RAB14: variants seen among roughly 807,000 people sequenced by gnomAD.
RAB14 encodes the protein ras-related protein Rab-14.
In RAB14, 3 loss-of-function variants were observed where a neutral mutation model predicts 31.1. The observed-to-expected ratio is 0.10, with a 90% CI of 0.04 to 0.25. The LOEUF (loss-of-function observed/expected upper bound fraction) is 0.25, where lower values mean the gene tolerates loss of function less well. RAB14 is among the 10% of genes least tolerant of loss of function. The probability of loss-of-function intolerance (pLI) is 1.00; values close to 1 mark genes in which losing one functional copy is unlikely to be tolerated. For synonymous variants in RAB14, 85 were observed against 84.9 expected (o/e 1.00, Z 0.00); for missense variants, 111 against 260.1 (o/e 0.43, Z 3.94).
At chr9:121,190,253 T>C (rs1486862936) in intron 4 of RAB14, among the ~76,000 whole-genome samples, 1 of 152,110 alleles carries the variant, frequency 6.6e-6, no homozygotes, top group Non-Finnish European at 1.5e-5. Context: ...TAAAAGAACA[T>C]TTTATATAAA....
At chr9:121,183,055 T>C in intron 6 of RAB14, 95 bp from the exon 7 acceptor site, 4 of 1,164,482 alleles carry the variant, frequency 3.4e-6, no homozygotes, top group Non-Finnish European at 5.0e-6. Context: ...CATCAGTTTT[T>C]AGTACTCCTC....
chr9:121,193,482 G>T, intron 1 of RAB14, 63 bp from the exon 2 acceptor site: 2 of 1,059,044 alleles, frequency 1.9e-6, no homozygotes, highest in South Asian at 2.9e-5. Flanking sequence ...TCAAACGGAT[G>T]ACTGATATCC....
chr9:121,180,242 TCTGA>T lies in RAB14; in HGVS notation c.*1150_*1153del, dbSNP rs1376489353. ...AATCCCTTAACAGCAGACCTGTGGT[TCTGA>T]CTGTCCAGTTCAGAATCTGACCATT... On this transcript the variant is annotated 3_prime_UTR_variant, in exon 8 of 8. Coordinates refer to ENST00000373840, the MANE Select transcript of RAB14 (RefSeq NM_016322.4). 6.6e-6 allele frequency: 1 copy of T among 152,660 alleles called. No individual in the cohort carries two copies. The highest frequency in any genetic ancestry group is 2.4e-5 in the African/African-American group (1 of 41,456). 9.5% of individuals were successfully genotyped at this position (152,660 alleles called of 1,614,324 possible). A position where few individuals can be genotyped will look rare whatever the true frequency, so the allele number is the denominator to read the frequency against.
intron 4 of RAB14, among the ~76,000 whole-genome samples, chr9:121,187,235 A>G (rs1043351457): frequency 2.0e-5 from 3 of 152,114 alleles, no homozygotes; most frequent in African/African-American, 7.2e-5. Flanking sequence ...AACAACTTTG[A>G]TAATTACAGG....
chr9:121,191,978 T>C (rs889549110), intron 3 of RAB14, among the ~76,000 whole-genome samples, 193 bp downstream of exon 3: 2 of 152,118 alleles, frequency 1.3e-5, no homozygotes, highest in African/African-American at 4.8e-5. Flanking sequence ...AATCAGATTA[T>C]ATAATGTGTA....
At chr9:121,189,938 T>C (rs1359252218) in intron 4 of RAB14, among the ~76,000 whole-genome samples, 1 of 152,136 alleles carries the variant, frequency 6.6e-6, no homozygotes, top group African/African-American at 2.4e-5. Flanking sequence ...TTCTCCAAAG[T>C]CAAACCTTTA....
At chr9:121,186,300 C>T (rs2053658749) in intron 5 of RAB14, among the ~76,000 whole-genome samples, 1 of 152,154 alleles carries the variant, frequency 6.6e-6, no homozygotes, top group Middle Eastern at 3.2e-3. Context: ...CTAATTCGTG[C>T]TTCAATCTAC....
chr9:121,200,578 T>C (rs753293296), intron 1 of RAB14, among the ~76,000 whole-genome samples: 1 of 152,226 alleles, frequency 6.6e-6, no homozygotes, highest in Non-Finnish European at 1.5e-5. Flanking sequence ...GTTGACTTTA[T>C]GGACTTTAGG....
chr9:121,191,497 C>T (rs1048365953), intron 3 of RAB14, among the ~76,000 whole-genome samples: 5 of 152,120 alleles, frequency 3.3e-5, no homozygotes, highest in African/African-American at 9.7e-5. Context: ...TGAGCCACCA[C>T]ACCTGGCTAA....
intron 1 of RAB14, among the ~76,000 whole-genome samples, chr9:121,201,031 A>G (rs1295922198): frequency 6.6e-6 from 1 of 152,058 alleles, no homozygotes; most frequent in African/African-American, 2.4e-5. Flanking sequence ...AAACCAGGAC[A>G]TCGCAAGCAC....
chr9:121,201,260 G>T (rs974899840), intron 1 of RAB14, among the ~76,000 whole-genome samples: 2 of 152,202 alleles, frequency 1.3e-5, no homozygotes, highest in Non-Finnish European at 1.5e-5. Context: ...CTGCGGGGGC[G>T]GGCTGCGGCC....
intron 5 of RAB14, among the ~76,000 whole-genome samples, chr9:121,185,796 A>T (rs184678875): frequency 6.6e-6 from 1 of 152,184 alleles, no homozygotes; most frequent in Admixed American, 6.5e-5. Context: ...CTGTTTAACC[A>T]TTCACCTGTC....
At chr9:121,192,829 A>G (rs1259213464) in intron 2 of RAB14, among the ~76,000 whole-genome samples, 2 of 152,190 alleles carry the variant, frequency 1.3e-5, no homozygotes, top group Admixed American at 1.3e-4. Flanking sequence ...TCTAATGTGA[A>G]CAATTCATTG....
At chr9:121,193,880 T>C (rs1564321441) in intron 1 of RAB14, among the ~76,000 whole-genome samples, 1 of 152,152 alleles carries the variant, frequency 6.6e-6, no homozygotes, top group African/African-American at 2.4e-5. Context: ...CAGAATGGTA[T>C]ATAAAGGAAC....
At chr9:121,194,544 A>C (rs1321503749) in intron 1 of RAB14, among the ~76,000 whole-genome samples, 1 of 152,212 alleles carries the variant, frequency 6.6e-6, no homozygotes. Flanking sequence ...AATAACTTTC[A>C]ATAAAGTTTA....
chr9:121,186,492 A>G (rs1214077365), intron 5 of RAB14, among the ~76,000 whole-genome samples: 9 of 152,146 alleles, frequency 5.9e-5, no homozygotes, highest in African/African-American at 2.2e-4. Flanking sequence ...CACATATAGA[A>G]TCCTTTTTAT....
Position 121,181,405 on chromosome 9 carries a change from A to G in RAB14, c.639T>C (p.Cys213=), listed in dbSNP as rs779684109. ...TSEPQPQREG[C]GC ...CACAGCAAAGAGGTCACTAGCAGCC[A>G]CAGCCTTCTCTCTGGGGTTGGGGTT... Residue 213 remains cysteine (C), a synonymous_variant, in exon 8 of 8, where the codon TGT becomes TGC. Transcript: ENST00000373840. 5 of 1,597,812 alleles carry G rather than the reference A, an allele frequency of 3.1e-6. No individual in the cohort carries two copies. The South Asian group carries it at 4.4e-5, about 14-fold the overall frequency.
intron 5 of RAB14, among the ~76,000 whole-genome samples, chr9:121,183,717 TAAAAATTTAA>T (rs2053645448): frequency 6.6e-6 from 1 of 152,188 alleles, no homozygotes; most frequent in African/African-American, 2.4e-5. Context: ...AACAACCCTT[TAAAAATTTAA>T]AAATCATCCT....
intron 5 of RAB14, among the ~76,000 whole-genome samples, chr9:121,186,616 T>C (rs932983789): frequency 1.3e-5 from 2 of 152,152 alleles, no homozygotes; most frequent in Non-Finnish European, 2.9e-5. Context: ...CTTCTACGTT[T>C]TGCCCAGTAT....
Sources: gnomAD v4.1 joint callset for allele counts (sites outside exome capture counted in the v4.1 genomes callset) on GRCh38, gnomAD v4.1.1 for gene constraint, MANE v1.5 for transcripts, NCBI Gene and HGNC (gene_info 2026-07-23, HGNC 2026-07-21) for gene names.